RAP1B: variants seen among roughly 807,000 people sequenced by gnomAD.
RAP1B encodes ras-related protein Rap-1b.
RAP1B carries 1 observed loss-of-function variant against 27.5 expected under a neutral mutation model. That is an observed-to-expected ratio of 0.04 (90% confidence interval 0.01 to 0.17). The LOEUF (loss-of-function observed/expected upper bound fraction) is 0.17. Among genes scored for constraint, RAP1B ranks in the 10% least tolerant of loss-of-function variants. The pLI is 1.00. For missense variants in RAP1B, 84 were observed against 214.8 expected, an observed-to-expected ratio of 0.39 and a Z score of 3.81; for synonymous variants, 75 against 73.1, an observed-to-expected ratio of 1.03 and a Z score of -0.13.
In RAP1B at chr12:68,662,034, T is replaced by TATATATATATA. The variant is rs1565677504; in HGVS notation, c.*2792_*2793insTATAATATATA. 8.2e-4 allele frequency: 105 copies of TATATATATATA among 127,788 alleles called. 1 individual carries two copies. The highest frequency in any genetic ancestry group is 2.8e-3 in the African/African-American group (100 of 36,168). The allele number at this position is 127,788 out of a possible 1,614,324, so 7.9% of individuals were successfully genotyped here. ...TATATATATATATATATATATATAT[T>TATATATATATA]ATATATAGTACATATATAGAGAGAG... On this transcript the variant is annotated 3_prime_UTR_variant, in exon 8 of 8. Coordinates refer to ENST00000250559, the MANE Select transcript of RAP1B (RefSeq NM_001010942.3).
intron 3 of RAP1B, 53 bp downstream of exon 3, chr12:68,650,521 T>C (rs1873740086): frequency 8.5e-6 from 11 of 1,293,684 alleles, no homozygotes; most frequent in African/African-American, 3.2e-5. Context: ...TAAATACTTA[T>C]TTTAGCTTTA....
chr12:68,613,902 A>G (rs567273483), intron 1 of RAP1B, among the ~76,000 whole-genome samples: 1 of 152,354 alleles, frequency 6.6e-6, no homozygotes, highest in Admixed American at 6.5e-5. Context: ...AATCCTTTTC[A>G]GAATTCCAAT....
chr12:68,625,980 A>AT (rs1299548267), intron 1 of RAP1B, among the ~76,000 whole-genome samples: 1 of 151,962 alleles, frequency 6.6e-6, no homozygotes, highest in Non-Finnish European at 1.5e-5. Flanking sequence ...TTGTCACCTG[A>AT]TCCTGGTTAT....
At position 68,620,153 on chromosome 12, in the gene RAP1B, C is replaced by T. The variant is rs539853156; in HGVS notation, c.-27+9110C>T. On this transcript the variant is annotated intron_variant, in intron 1 of 7. Transcript: ENST00000250559. ...CACCTGTAGAATGATCCTTTTTTTA[C>T]CTTTCAGGAGAATGCTGTTTCTTGG... Among the ~76,000 whole-genome samples the T allele has an allele frequency of 2.7e-5, 4 of 147,734 alleles. No homozygotes were observed. In the South Asian group the frequency reaches 8.8e-4, roughly 33 times the overall value.
intron 1 of RAP1B, among the ~76,000 whole-genome samples, chr12:68,631,389 A>T (rs1019841018): frequency 7.2e-5 from 11 of 152,330 alleles, no homozygotes; most frequent in African/African-American, 2.4e-4. Context: ...TGTATTGTTC[A>T]GCCTTCTACT....
chr12:68,653,128 G>A (rs771279557), intron 4 of RAP1B, among the ~76,000 whole-genome samples: 4 of 152,202 alleles, frequency 2.6e-5, no homozygotes, highest in Non-Finnish European at 4.4e-5. Context: ...AGAATCGCTT[G>A]AACCCTGGAG....
intron 1 of RAP1B, among the ~76,000 whole-genome samples, chr12:68,613,624 TC>T (rs1870776232): frequency 6.6e-6 from 1 of 152,210 alleles, no homozygotes; most frequent in African/African-American, 2.4e-5. Flanking sequence ...CAATAGACAT[TC>T]AACACCAGTT....
intron 1 of RAP1B, among the ~76,000 whole-genome samples, chr12:68,634,582 A>T (rs980693167): frequency 1.3e-5 from 2 of 149,182 alleles, no homozygotes; most frequent in African/African-American, 2.5e-5. Context: ...AGCCTATATT[A>T]TTATTTTTTT....
At chr12:68,648,969 A>G in intron 2 of RAP1B, 188 bp downstream of exon 2, 1 of 539,730 alleles carries the variant, frequency 1.9e-6, no homozygotes. Context: ...TCTCTGGAAC[A>G]TTGACTCCAG....
chr12:68,618,409 A>G (rs905332317), intron 1 of RAP1B, among the ~76,000 whole-genome samples: 2 of 152,068 alleles, frequency 1.3e-5, no homozygotes, highest in South Asian at 2.1e-4. Context: ...TTATTCTCCT[A>G]TGGCATTGCT....
rs1446523565 is a variant in RAP1B at position 68,669,543 on chromosome 12, C to G, written c.*10294C>G. ...ATGGGCCGGGCACGGTGGCTCACAC[C>G]TGTAATCCCAGCACTTTCGGAGGCC... On this transcript the variant is annotated 3_prime_UTR_variant, in exon 8 of 8. Transcript: ENST00000250559. 6.6e-6 allele frequency: 1 copy of G among 152,254 alleles called. No homozygotes were observed. The highest frequency in any genetic ancestry group is 1.5e-5 in the Non-Finnish European group (1 of 68,106). 9.4% of individuals were successfully genotyped at this position (152,254 alleles called of 1,614,324 possible).
intron 1 of RAP1B, among the ~76,000 whole-genome samples, chr12:68,612,973 T>C (rs1468533144): frequency 6.6e-6 from 1 of 152,230 alleles, no homozygotes; most frequent in East Asian, 1.9e-4. Flanking sequence ...GTAGCCAGTT[T>C]GTTGTTTTTA....
intron 1 of RAP1B, among the ~76,000 whole-genome samples, chr12:68,611,346 A>AACCCCCCCCCCCCCCCCCCCCCTCCC (rs1565652572): frequency 8.8e-6 from 1 of 113,454 alleles, no homozygotes; most frequent in Admixed American, 8.6e-5. Context: ...GAGCCCGAGG[A>AACCCCCCCCCCCCCCCCCCCCCTCCC]CCCCCCCACC....
At chr12:68,638,722 G>T (rs144511879) in intron 1 of RAP1B, among the ~76,000 whole-genome samples, 3 of 151,892 alleles carry the variant, frequency 2.0e-5, no homozygotes, top group Non-Finnish European at 4.4e-5. Context: ...GTGCAGTGGC[G>T]CAATCTTGGC....
chr12:68,632,741 T>G (rs1375388157), intron 1 of RAP1B, among the ~76,000 whole-genome samples: 1 of 152,142 alleles, frequency 6.6e-6, no homozygotes, highest in Non-Finnish European at 1.5e-5. Flanking sequence ...CTAGAGAAAT[T>G]AAAAATAAGA....
intron 1 of RAP1B, among the ~76,000 whole-genome samples, chr12:68,636,683 G>A (rs1421606476): frequency 6.6e-6 from 1 of 151,512 alleles, no homozygotes; most frequent in African/African-American, 2.4e-5. Context: ...CAAAATGCTG[G>A]GATTGTACAG....
chr12:68,654,559 G>A (rs867780903), intron 5 of RAP1B, among the ~76,000 whole-genome samples: 3 of 151,386 alleles, frequency 2.0e-5, no homozygotes, highest in Middle Eastern at 3.4e-3. Flanking sequence ...TGGTGCGATA[G>A]CTGTACCTCC....
chr12:68,667,537 CTG>C lies in RAP1B; in HGVS notation c.*8290_*8291del. On this transcript the variant is annotated 3_prime_UTR_variant, in exon 8 of 8. Transcript: ENST00000250559. Reference sequence around the variant, plus strand: ...AGCGTTAGGGTTGGGTTTCTTGTCTCTGTAATCACTTCTCAAAAATGAATTTG... The same window carrying C: ...AGCGTTAGGGTTGGGTTTCTTGTCTCTAATCACTTCTCAAAAATGAATTTG... 1 of 152,296 alleles carries C rather than the reference CTG, an allele frequency of 6.6e-6. No individual in the cohort carries two copies. The highest frequency in any genetic ancestry group is 2.1e-4 in the South Asian group (1 of 4,826). 9.4% of individuals were successfully genotyped at this position (152,296 alleles called of 1,614,324 possible). A position where few individuals can be genotyped will look rare whatever the true frequency, so the allele number is the denominator to read the frequency against.
At chr12:68,632,129 G>GTTTTTTT (rs796286462) in intron 1 of RAP1B, among the ~76,000 whole-genome samples, 39 of 104,374 alleles carry the variant, frequency 3.7e-4, no homozygotes, top group African/African-American at 7.7e-4. Flanking sequence ...TTTTGGATTT[G>GTTTTTTT]TTTTTTTTTT....
Sources: allele counts gnomAD v4.1 joint callset (sites outside exome capture counted in the v4.1 genomes callset), GRCh38; gene constraint gnomAD v4.1.1; transcripts MANE v1.5; gene names NCBI Gene and HGNC (gene_info 2026-07-23, HGNC 2026-07-21).